The following ST7 variants were observed in gnomAD, a reference collection of about 807,000 sequenced individuals.
ST7 encodes suppression of tumorigenicity 7.
Under a neutral mutation model 78.7 loss-of-function variants are expected in ST7, and 28 were observed. The ratio of observed to expected loss-of-function variants is 0.36; its 90% CI spans 0.26 to 0.49. The LOEUF is 0.49. Ranked by LOEUF, ST7 falls within the 20% of genes least tolerant of loss-of-function variation. The pLI, the probability that ST7 is intolerant of heterozygous loss-of-function variation, is 0.99. For missense variants in ST7, 418 were observed against 696.0 expected (o/e 0.60, Z 4.49); for synonymous variants, 247 against 249.6 (o/e 0.99, Z 0.10).
At chr7:117,206,651 A>G (rs143362100) in intron 12 of ST7, among the ~76,000 whole-genome samples, 2 of 152,302 alleles carry the variant, frequency 1.3e-5, no homozygotes, top group Non-Finnish European at 2.9e-5. Context: ...CAAATGTATT[A>G]TATGTAGATG....
rs546741735 is a variant in ST7 at position 117,155,703 on chromosome 7, A to T, written c.964-15159A>T. Among the ~76,000 whole-genome samples the T allele has an allele frequency of 5.9e-5, 9 of 152,278 alleles. No homozygotes were observed. The East Asian group carries it at 1.7e-3, about 29-fold the overall frequency. On this transcript the variant is annotated intron_variant, in intron 9 of 15. Transcript: ENST00000323984. ...TGCTTCTACTCTTAATTCTATCTCCACATAGCAGAGAATGAAGCCATTGAA... is the reference window on the plus strand; with the variant it reads ...TGCTTCTACTCTTAATTCTATCTCCTCATAGCAGAGAATGAAGCCATTGAA...
intron 1 of ST7, among the ~76,000 whole-genome samples, chr7:116,987,165 CTCTT>C (rs1562994711): frequency 6.6e-6 from 1 of 152,212 alleles, no homozygotes; most frequent in African/African-American, 2.4e-5. Flanking sequence ...TGAAGACTCT[CTCTT>C]CTTCATTATT....
At chr7:117,165,812 C>T (rs1245006872) in intron 9 of ST7, among the ~76,000 whole-genome samples, 1 of 152,080 alleles carries the variant, frequency 6.6e-6, no homozygotes, top group Admixed American at 6.6e-5. Flanking sequence ...CCAGATTGAC[C>T]AGGACAGGAG....
intron 1 of ST7, chr7:116,967,609 T>C (rs1793191508): frequency 2.9e-6 from 1 of 350,112 alleles, no homozygotes; most frequent in Non-Finnish European, 5.7e-6. Context: ...TCAACAGTCA[T>C]TTACCAGTTC....
chr7:116,959,058 G>A (rs901677565), intron 1 of ST7: 4 of 414,538 alleles, frequency 9.6e-6, no homozygotes, highest in African/African-American at 8.1e-5. Context: ...TTTACCCACA[G>A]TAGGACTTTC....
intron 13 of ST7, among the ~76,000 whole-genome samples, chr7:117,216,412 C>T (rs1354533817): frequency 6.6e-6 from 1 of 152,098 alleles, no homozygotes; most frequent in Non-Finnish European, 1.5e-5. Context: ...TTTGTGTTTT[C>T]TTAAGGATTT....
chr7:117,062,203 C>G (rs561832353), intron 1 of ST7, among the ~76,000 whole-genome samples: 6 of 152,176 alleles, frequency 3.9e-5, no homozygotes. Context: ...GTCCCTTGGG[C>G]GCTTCTCTCA....
rs1793165238 is a variant in ST7, at chr7:116,967,223, T to C, written c.151+13532T>C. On this transcript the variant is annotated intron_variant, in intron 1 of 15. Transcript: ENST00000323984. ...AGGACGAAGGCTATATTGGTATGAA[T>C]AGGTAGTAATTCTGAGCCTGTTCTG... 5 of 463,234 alleles carry C rather than the reference T, an allele frequency of 1.1e-5. 1 individual carries two copies. The highest frequency in any genetic ancestry group is 7.0e-4 in the Middle Eastern group (2 of 2,840). The allele number at this position is 463,234 out of a possible 1,614,324, so 28.7% of individuals were successfully genotyped here.
chr7:117,195,097 C>G (rs1810177467), intron 12 of ST7, among the ~76,000 whole-genome samples: 1 of 152,026 alleles, frequency 6.6e-6, no homozygotes, highest in Non-Finnish European at 1.5e-5. Context: ...ACAATCTACT[C>G]ATATTTAAGA....
intron 2 of ST7, among the ~76,000 whole-genome samples, chr7:117,113,332 A>T (rs1802585304): frequency 6.6e-6 from 1 of 152,228 alleles, no homozygotes; most frequent in Non-Finnish European, 1.5e-5. Context: ...GGGAAGGTGG[A>T]TAGCAGCAGG....
chr7:117,024,033 TG>T (rs1796065737), intron 1 of ST7, among the ~76,000 whole-genome samples: 1 of 152,098 alleles, frequency 6.6e-6, no homozygotes, highest in African/African-American at 2.4e-5. Flanking sequence ...AGGCTGGTCC[TG>T]AACCCTTGAC....
At chr7:117,090,383 C>A (rs1371826947) in intron 1 of ST7, among the ~76,000 whole-genome samples, 14 of 152,108 alleles carry the variant, frequency 9.2e-5, no homozygotes, top group African/African-American at 3.4e-4. Flanking sequence ...ACTTTCCTAC[C>A]TAGAACTCTG....
intron 9 of ST7, among the ~76,000 whole-genome samples, chr7:117,156,876 A>C (rs758462114): frequency 6.6e-6 from 1 of 152,206 alleles, no homozygotes; most frequent in Non-Finnish European, 1.5e-5. Flanking sequence ...ACCGGAGAGC[A>C]GTATGTTATG....
chr7:117,040,142 G>A (rs2116278046), intron 1 of ST7, among the ~76,000 whole-genome samples: 1 of 152,258 alleles, frequency 6.6e-6, no homozygotes, highest in South Asian at 2.1e-4. Flanking sequence ...GGGAGGCAGA[G>A]GTGGGTGGAT....
intron 2 of ST7, among the ~76,000 whole-genome samples, chr7:117,106,023 G>A (rs1381240174): frequency 1.3e-5 from 2 of 151,510 alleles, no homozygotes; most frequent in Non-Finnish European, 2.9e-5. Flanking sequence ...ACGGAGTCTC[G>A]CTGTGTCGCC....
At chr7:117,222,972 CA>C (rs759707744) in intron 15 of ST7, 69 of 1,607,432 alleles carry the variant, frequency 4.3e-5, no homozygotes, top group Non-Finnish European at 5.6e-5. Context: ...TCAACATTTC[CA>C]AAACTGAACT....
At chr7:117,034,037 C>T (rs920708458) in intron 1 of ST7, among the ~76,000 whole-genome samples, 1 of 152,084 alleles carries the variant, frequency 6.6e-6, no homozygotes, top group Admixed American at 6.5e-5. Flanking sequence ...AACCTCTGGG[C>T]TCTTGGTGAT....
At chr7:117,089,610 C>T (rs1278913499) in intron 1 of ST7, among the ~76,000 whole-genome samples, 4 of 144,946 alleles carry the variant, frequency 2.8e-5, no homozygotes, top group Admixed American at 7.0e-5. Context: ...CTCGCTCTGT[C>T]GCCCAGGCTG....
intron 12 of ST7, among the ~76,000 whole-genome samples, chr7:117,205,797 A>G (rs1222272317): frequency 2.0e-5 from 3 of 152,232 alleles, no homozygotes; most frequent in African/African-American, 4.8e-5. Flanking sequence ...TTTTAGAAGC[A>G]CTGCATTTCA....
Sources: allele counts gnomAD v4.1 joint callset (sites outside exome capture counted in the v4.1 genomes callset), GRCh38; gene constraint gnomAD v4.1.1; transcripts MANE v1.5; gene names NCBI Gene and HGNC (gene_info 2026-07-23, HGNC 2026-07-21).